Variants in PGM5 observed in about 807,000 individuals in gnomAD.
PGM5 encodes the protein phosphoglucomutase-like protein 5.
In PGM5, 23 loss-of-function variants were observed where a neutral mutation model predicts 59.2. The ratio of observed to expected loss-of-function variants is 0.39; its 90% CI spans 0.28 to 0.55. PGM5 has a LOEUF of 0.55. PGM5 is among the 20% of genes least tolerant of loss of function. The pLI, the probability that PGM5 is intolerant of heterozygous loss-of-function variation, is 0.66. For synonymous variants in PGM5, 214 were observed against 286.0 expected (o/e 0.75, Z 2.54); for missense variants, 574 against 748.3 (o/e 0.77, Z 2.72).
chr9:68,412,859 G>A (rs536589045), intron 6 of PGM5, among the ~76,000 whole-genome samples: 3 of 152,326 alleles, frequency 2.0e-5, no homozygotes, highest in South Asian at 2.1e-4. Context: ...AGAATGGTGC[G>A]GTTAAGGAGA....
At position 68,529,773 on chromosome 9, in the gene PGM5, T is replaced by G; in HGVS notation, c.*117T>G. On this transcript the variant is annotated 3_prime_UTR_variant, in exon 11 of 11. Transcript: ENST00000396396. Reference sequence around the variant, plus strand: ...GACTTTGGAAAAACAAAAGATATTTTGCTTTTGGGGGATAGAGGGTGGGTG... The same window carrying G: ...GACTTTGGAAAAACAAAAGATATTTGGCTTTTGGGGGATAGAGGGTGGGTG... 1.9e-6 allele frequency: 1 copy of G among 515,002 alleles called. No individual in the cohort carries two copies. Among genetic ancestry groups the G allele is most frequent in the Non-Finnish European group, 3.4e-6 (1 of 296,940 alleles). 31.9% of individuals were successfully genotyped at this position (515,002 alleles called of 1,614,324 possible). A position where few individuals can be genotyped will look rare whatever the true frequency, so the allele number is the denominator to read the frequency against.
At chr9:68,467,843 G>C (rs1554685946) in intron 7 of PGM5, among the ~76,000 whole-genome samples, 1 of 151,608 alleles carries the variant, frequency 6.6e-6, no homozygotes, top group Admixed American at 6.6e-5. Context: ...CTTTTTCTCT[G>C]GTTTGCAACT....
At chr9:68,498,265 A>C (rs1247916216) in intron 9 of PGM5, 3 of 152,196 alleles carry the variant, frequency 2.0e-5, no homozygotes, top group African/African-American at 7.2e-5. Flanking sequence ...AAATTTCACC[A>C]TGGCAATATA....
At chr9:68,512,397 C>A (rs782461869) in intron 10 of PGM5, among the ~76,000 whole-genome samples, 6 of 152,142 alleles carry the variant, frequency 3.9e-5, no homozygotes, top group Non-Finnish European at 7.4e-5. Context: ...GCTGATATAA[C>A]AAAGTACCAC....
chr9:68,364,637 C>T (rs1213154991), intron 1 of PGM5, among the ~76,000 whole-genome samples: 3 of 152,238 alleles, frequency 2.0e-5, no homozygotes, highest in Non-Finnish European at 4.4e-5. Context: ...TTTCTGCTTC[C>T]CTTTCTGAAT....
chr9:68,461,683 A>G (rs1823861451), intron 6 of PGM5, among the ~76,000 whole-genome samples: 1 of 152,112 alleles, frequency 6.6e-6, no homozygotes, highest in Non-Finnish European at 1.5e-5. Context: ...GGCCTTCACC[A>G]CACCAGATGC....
intron 4 of PGM5, among the ~76,000 whole-genome samples, chr9:68,389,883 T>C (rs1352693155): frequency 2.6e-5 from 4 of 152,140 alleles, no homozygotes; most frequent in Non-Finnish European, 5.9e-5. Context: ...CCAGTTTACC[T>C]GTATCTTCAC....
intron 6 of PGM5, among the ~76,000 whole-genome samples, chr9:68,432,205 A>AT (rs545419085): frequency 0.032 from 4,726 of 146,608 alleles, 74 homozygotes; most frequent in African/African-American, 0.058. Context: ...TTATTTTTTA[A>AT]TTTTTTTTTT....
At chr9:68,381,985 C>A (rs147334186) in intron 2 of PGM5, among the ~76,000 whole-genome samples, 18,276 of 151,344 alleles carry the variant, frequency 0.12, 410 homozygotes, top group Middle Eastern at 0.23. Context: ...TTTAACACAA[C>A]CCCTATCAAA....
At chr9:68,404,681 G>T (rs1171457793) in intron 6 of PGM5, among the ~76,000 whole-genome samples, 5 of 152,102 alleles carry the variant, frequency 3.3e-5, no homozygotes, top group African/African-American at 1.2e-4. Flanking sequence ...TTGTCATTTG[G>T]AGTTCCAAGT....
At chr9:68,364,235 C>T (rs1270223687) in intron 1 of PGM5, among the ~76,000 whole-genome samples, 1 of 151,680 alleles carries the variant, frequency 6.6e-6, no homozygotes, top group Non-Finnish European at 1.5e-5. Context: ...GGAGTGTCCT[C>T]CAGATAGATG....
intron 1 of PGM5, among the ~76,000 whole-genome samples, chr9:68,363,876 A>G (rs1554676470): frequency 6.6e-6 from 1 of 151,966 alleles, no homozygotes; most frequent in Non-Finnish European, 1.5e-5. Context: ...GAAGCACTGC[A>G]TATGAAAGCA....
chr9:68,458,438 A>G (rs952659710), intron 6 of PGM5, among the ~76,000 whole-genome samples: 3 of 152,252 alleles, frequency 2.0e-5, no homozygotes, highest in African/African-American at 7.2e-5. Flanking sequence ...GTTTAGAGAT[A>G]CTATGAGACA....
chr9:68,424,797 G>A (rs951101924), intron 6 of PGM5, among the ~76,000 whole-genome samples: 3 of 152,182 alleles, frequency 2.0e-5, no homozygotes, highest in African/African-American at 7.2e-5. Flanking sequence ...CATCCCAGGT[G>A]TACCTATTAA....
intron 6 of PGM5, among the ~76,000 whole-genome samples, chr9:68,416,031 T>C (rs1256322643): frequency 3.3e-5 from 5 of 152,026 alleles, no homozygotes; most frequent in African/African-American, 9.7e-5. Context: ...TGGTGTGTAC[T>C]GAATGACATC....
chr9:68,461,648 C>A (rs1554685421), intron 6 of PGM5, among the ~76,000 whole-genome samples: 2 of 152,170 alleles, frequency 1.3e-5, no homozygotes, highest in African/African-American at 4.8e-5. Context: ...GCTTTTCCTG[C>A]TGCCTTTGCC....
At chr9:68,471,711 G>A (rs1278890911) in intron 7 of PGM5, among the ~76,000 whole-genome samples, 1 of 151,992 alleles carries the variant, frequency 6.6e-6, no homozygotes, top group African/African-American at 2.4e-5. Flanking sequence ...CTGAGGTCAG[G>A]AGTTCAAGAC....
intron 8 of PGM5, among the ~76,000 whole-genome samples, chr9:68,482,394 T>C (rs944614439): frequency 1.8e-4 from 27 of 152,188 alleles, no homozygotes; most frequent in African/African-American, 5.5e-4. Flanking sequence ...GGGAGTTCCT[T>C]TTTTTTCCCT....
At chr9:68,404,981 G>A (rs1487619879) in intron 6 of PGM5, 17 of 152,314 alleles carry the variant, frequency 1.1e-4, no homozygotes, top group African/African-American at 3.8e-4. Context: ...TGTCTGCTTT[G>A]CCTTAGATGG....
Sources: allele counts gnomAD v4.1 joint callset (sites outside exome capture counted in the v4.1 genomes callset), GRCh38; gene constraint gnomAD v4.1.1; transcripts MANE v1.5; gene names NCBI Gene and HGNC (gene_info 2026-07-23, HGNC 2026-07-21).